Variants in GABRG3 observed in about 807,000 individuals in gnomAD.
The protein encoded by GABRG3 is gamma-aminobutyric acid type A receptor subunit gamma3.
A neutral mutation model predicts 48.8 loss-of-function variants in GABRG3; 25 were observed. The observed-to-expected ratio is 0.51, with a 90% CI of 0.37 to 0.72. The LOEUF (loss-of-function observed/expected upper bound fraction) is 0.72. GABRG3 is among the 30% of genes least tolerant of loss of function. The probability of loss-of-function intolerance (pLI) is 0.00; values close to 1 mark genes in which losing one functional copy is unlikely to be tolerated. For synonymous variants in GABRG3, 227 were observed against 217.6 expected, an observed-to-expected ratio of 1.04 and a Z score of -0.38; for missense variants, 394 against 577.9, an observed-to-expected ratio of 0.68 and a Z score of 3.26.
At chr15:27,247,790 C>G (rs920728035) in intron 3 of GABRG3, among the ~76,000 whole-genome samples, 1 of 152,162 alleles carries the variant, frequency 6.6e-6, no homozygotes, top group Admixed American at 6.5e-5. Flanking sequence ...CAAAGTAAAA[C>G]AAGATTCCCC....
rs912013717 is a variant in GABRG3 at position 27,225,303 on chromosome 15, C to T, written c.271-101506C>T. On this transcript the variant is annotated intron_variant, in intron 3 of 9. Transcript: ENST00000615808. ...AGTTGCCTTCGCTTCCCAGACACCGCCCTGCAGGTAGCAGAACTGGAGCCG... is the reference window on the plus strand; with the variant it reads ...AGTTGCCTTCGCTTCCCAGACACCGTCCTGCAGGTAGCAGAACTGGAGCCG... 9.2e-5 allele frequency among the ~76,000 whole-genome samples: 14 copies of T among 152,184 alleles called. No individual in the cohort carries two copies. In the East Asian group the frequency reaches 1.4e-3, roughly 15 times the overall value.
chr15:27,515,279 A>G, intron 6 of GABRG3, among the ~76,000 whole-genome samples: 1 of 152,060 alleles, frequency 6.6e-6, no homozygotes, highest in Non-Finnish European at 1.5e-5. Flanking sequence ...TTTTTAGTAG[A>G]GACGGGGTTT....
intron 3 of GABRG3, among the ~76,000 whole-genome samples, chr15:27,185,352 TTCTC>T (rs142411650): frequency 0.015 from 2,219 of 152,320 alleles, 52 homozygotes; most frequent in African/African-American, 0.051. Flanking sequence ...CCTTTTGTCT[TTCTC>T]TTCTTTATTT....
At chr15:27,100,044 G>A (rs1266809744) in intron 3 of GABRG3, among the ~76,000 whole-genome samples, 4 of 151,796 alleles carry the variant, frequency 2.6e-5, no homozygotes, top group East Asian at 1.9e-4. Flanking sequence ...GTGAAACCCC[G>A]TCTGTACTAA....
intron 3 of GABRG3, among the ~76,000 whole-genome samples, chr15:27,215,543 C>T (rs894216232): frequency 2.0e-5 from 3 of 152,204 alleles, no homozygotes; most frequent in African/African-American, 4.8e-5. Context: ...CTAACCTCTT[C>T]CTGAACATTG....
At position 27,402,091 on chromosome 15, in the gene GABRG3, T is replaced by C. The variant is rs56925676; in HGVS notation, c.574+73203T>C. Reference sequence around the variant, plus strand: ...GCAATGCTTCATAGAGAAGAAAAAATATACAGGGGTGAAATTTTAGGTGTT... The same window carrying C: ...GCAATGCTTCATAGAGAAGAAAAAACATACAGGGGTGAAATTTTAGGTGTT... On this transcript the variant is annotated intron_variant, in intron 5 of 9. Transcript: ENST00000615808. Among the ~76,000 whole-genome samples the C allele has an allele frequency of 1.5e-3, 231 of 152,210 alleles. 1 individual carries two copies. Among genetic ancestry groups the C allele is most frequent in the African/African-American group, 5.4e-3 (225 of 41,512 alleles).
rs367782096 is a variant in GABRG3, at chr15:27,377,600, TTCACTA to T, written c.574+48717_574+48722del. On this transcript the variant is annotated intron_variant, in intron 5 of 9. Transcript: ENST00000615808. ...AAACCATCAGATCTTGTGAGACTTATTCACTATCACAAGAACAGCACAGGAAACACC... is the reference window on the plus strand; with the variant it reads ...AAACCATCAGATCTTGTGAGACTTATTCACAAGAACAGCACAGGAAACACC... Among the ~76,000 whole-genome samples, 1,513 of 152,200 alleles carry T rather than the reference TTCACTA, an allele frequency of 9.9e-3. 32 individuals are homozygous for T. Among genetic ancestry groups the T allele is most frequent in the African/African-American group, 0.033 (1,362 of 41,516 alleles).
At chr15:27,098,929 G>A (rs952964941) in intron 3 of GABRG3, among the ~76,000 whole-genome samples, 5 of 152,072 alleles carry the variant, frequency 3.3e-5, no homozygotes, top group African/African-American at 1.2e-4. Context: ...AAAGAAGAAG[G>A]CGGATTGCCT....
At chr15:27,081,686 C>T (rs1394888330) in intron 3 of GABRG3, among the ~76,000 whole-genome samples, 2 of 152,090 alleles carry the variant, frequency 1.3e-5, no homozygotes, top group Admixed American at 6.5e-5. Context: ...CAGGCAGGAC[C>T]GAGTCCCCTC....
intron 5 of GABRG3, among the ~76,000 whole-genome samples, chr15:27,435,465 G>C (rs1443065450): frequency 6.6e-6 from 1 of 152,092 alleles, no homozygotes; most frequent in African/African-American, 2.4e-5. Flanking sequence ...GTGGAGACCA[G>C]ATTTTGCACA....
intron 5 of GABRG3, among the ~76,000 whole-genome samples, chr15:27,378,164 TGA>T (rs1240844493): frequency 1.3e-5 from 2 of 152,002 alleles, no homozygotes; most frequent in Non-Finnish European, 2.9e-5. Flanking sequence ...AGGCTCCAGG[TGA>T]GAGTTATGAG....
chr15:27,113,363 T>C (rs763809012), intron 3 of GABRG3, among the ~76,000 whole-genome samples: 4 of 152,184 alleles, frequency 2.6e-5, no homozygotes, highest in Non-Finnish European at 4.4e-5. Flanking sequence ...CCCTTTCTGG[T>C]CTGCTCATAG....
Position 27,352,075 on chromosome 15 carries a change from GTA to G in GABRG3, c.574+23189_574+23190del, listed in dbSNP as rs1270879382. 2.0e-5 allele frequency among the ~76,000 whole-genome samples: 3 copies of G among 150,458 alleles called. No homozygotes were observed. Among genetic ancestry groups the G allele is most frequent in the African/African-American group, 7.4e-5 (3 of 40,802 alleles). ...TGGTATGTGTGTATCGTGTGTGTGT[GTA>G]TGGTGCATGTGTGTGTATGATGTGT... On this transcript the variant is annotated intron_variant, in intron 5 of 9. Transcript: ENST00000615808. This position sits in a 1 kb window ranked among gnomAD's most constrained non-coding sequence, Gnocchi z 4.0.
chr15:27,141,775 C>T (rs895381051), intron 3 of GABRG3, among the ~76,000 whole-genome samples: 1 of 152,202 alleles, frequency 6.6e-6, no homozygotes, highest in African/African-American at 2.4e-5. Context: ...GAAGACCCGA[C>T]TGAAAACCTA....
intron 2 of GABRG3, among the ~76,000 whole-genome samples, chr15:27,007,739 C>T (rs1895613731): frequency 6.6e-6 from 1 of 152,004 alleles, no homozygotes; most frequent in Admixed American, 6.6e-5. Context: ...TGTCCTTTAC[C>T]CATTATTGAT....
chr15:27,149,202 G>A (rs887705340), intron 3 of GABRG3, among the ~76,000 whole-genome samples: 1 of 151,938 alleles, frequency 6.6e-6, no homozygotes, highest in African/African-American at 2.4e-5. Flanking sequence ...TTATACATTC[G>A]CAGTGAACAC....
chr15:27,403,282 T>C (rs529286525), intron 5 of GABRG3, among the ~76,000 whole-genome samples: 2 of 152,254 alleles, frequency 1.3e-5, no homozygotes, highest in African/African-American at 4.8e-5. Flanking sequence ...GGCAATGCTC[T>C]TTTACCAAAG....
intron 3 of GABRG3, among the ~76,000 whole-genome samples, chr15:27,224,217 G>A (rs982035929): frequency 5.9e-5 from 9 of 152,218 alleles, no homozygotes; most frequent in African/African-American, 2.2e-4. Context: ...TGCTTTCCGT[G>A]TGTGCCAGCA....
At chr15:27,280,364 G>T (rs938061402) in intron 3 of GABRG3, 7 of 152,086 alleles carry the variant, frequency 4.6e-5, no homozygotes. Context: ...TTCAAGTGCT[G>T]ACCAGACCAG....
Sources: gnomAD v4.1 joint callset for allele counts (sites outside exome capture counted in the v4.1 genomes callset) on GRCh38, gnomAD v4.1.1 for gene constraint, Gnocchi (gnomAD v3.1) non-coding constraint, MANE v1.5 for transcripts, NCBI Gene and HGNC (gene_info 2026-07-23, HGNC 2026-07-21) for gene names.